The following TMPRSS11D variants were observed in gnomAD, a reference collection of about 807,000 sequenced individuals.
TMPRSS11D encodes the protein transmembrane serine protease 11D, also known as transmembrane protease serine 11D.
A neutral mutation model predicts 44.4 loss-of-function variants in TMPRSS11D; 32 were observed. The ratio of observed to expected loss-of-function variants is 0.72; its 90% CI spans 0.54 to 0.97. TMPRSS11D has a LOEUF of 0.97. Ranked by LOEUF, TMPRSS11D falls within the 50% of genes least tolerant of loss-of-function variation. The pLI is 0.00. For missense variants in TMPRSS11D, 446 were observed against 502.6 expected (o/e 0.89, Z 1.08); for synonymous variants, 179 against 177.9 (o/e 1.01, Z -0.05).
rs139989219 is a variant in TMPRSS11D, at chr4:67,821,866, T to C, written c.*471A>G. ...AGTAACCAAAAATTTTAAATACATA[T>C]TATTTCTCTTGCCTCATACTGTTCT... is the stretch of plus-strand genomic sequence containing the variant. On this transcript the variant is annotated 3_prime_UTR_variant, in exon 10 of 10. Coordinates refer to ENST00000283916, the MANE Select transcript of TMPRSS11D (RefSeq NM_004262.3). The C allele has an allele frequency of 4.8e-3, 732 of 153,282 alleles. 3 individuals are homozygous for C. The highest frequency in any genetic ancestry group is 8.6e-3 in the Non-Finnish European group (592 of 68,714). 9.5% of individuals were successfully genotyped at this position (153,282 alleles called of 1,614,324 possible). A position where few individuals can be genotyped will look rare whatever the true frequency, so the allele number is the denominator to read the frequency against.
intron 9 of TMPRSS11D, among the ~76,000 whole-genome samples, chr4:67,822,967 T>C (rs1275993622): frequency 6.6e-6 from 1 of 152,196 alleles, no homozygotes. Flanking sequence ...TTTTTGTTTG[T>C]TTGTTTTGTT....
intron 7 of TMPRSS11D, among the ~76,000 whole-genome samples, chr4:67,828,375 A>G (rs1350966914): frequency 6.6e-6 from 1 of 152,156 alleles, no homozygotes; most frequent in African/African-American, 2.4e-5. Context: ...TCATCAGTTT[A>G]CTAATGGATA....
In TMPRSS11D at chr4:67,821,555, T is replaced by G. The variant is rs771992679; in HGVS notation, c.*782A>C. On this transcript the variant is annotated 3_prime_UTR_variant, in exon 10 of 10. Transcript: ENST00000283916. ...AAGTACTATGTAGTTGTAAAGCACCTGACAAGTTTGTGTAGGTATATTTCT... is the reference window on the plus strand; with the variant it reads ...AAGTACTATGTAGTTGTAAAGCACCGGACAAGTTTGTGTAGGTATATTTCT... The G allele has an allele frequency of 6.6e-6, 1 of 152,186 alleles. No individual in the cohort carries two copies. The highest frequency in any genetic ancestry group is 1.5e-5 in the Non-Finnish European group (1 of 68,030). 9.4% of individuals were successfully genotyped at this position (152,186 alleles called of 1,614,324 possible).
intron 7 of TMPRSS11D, among the ~76,000 whole-genome samples, chr4:67,831,613 A>G (rs1481075688): frequency 6.6e-6 from 1 of 152,142 alleles, no homozygotes; most frequent in Non-Finnish European, 1.5e-5. Flanking sequence ...TGATAAGTCC[A>G]GGTATTTTAA....
intron 3 of TMPRSS11D, among the ~76,000 whole-genome samples, chr4:67,848,982 T>A (rs1718429693): frequency 6.6e-6 from 1 of 152,156 alleles, no homozygotes; most frequent in South Asian, 2.1e-4. Context: ...ATAATGCAAA[T>A]GAACAGATTA....
At chr4:67,849,619 T>C (rs1378450176) in intron 3 of TMPRSS11D, among the ~76,000 whole-genome samples, 1 of 152,192 alleles carries the variant, frequency 6.6e-6, no homozygotes, top group African/African-American at 2.4e-5. Flanking sequence ...AGATTTTTTG[T>C]GTAAGAATGT....
rs1034099528 is a variant in TMPRSS11D at position 67,858,034 on chromosome 4, T to C, written c.130+1523A>G. Among the ~76,000 whole-genome samples the C allele has an allele frequency of 3.9e-5, 6 of 152,182 alleles. No individual in the cohort carries two copies. The East Asian group carries it at 9.7e-4, about 24-fold the overall frequency. Reference sequence around the variant, plus strand: ...ACAAAAACAACAACGACAACAGGGGTCTTCCAGAGGACCTATTCAGCTGTG... The same window carrying C: ...ACAAAAACAACAACGACAACAGGGGCCTTCCAGAGGACCTATTCAGCTGTG... On this transcript the variant is annotated intron_variant, in intron 2 of 9. Transcript: ENST00000283916.
chr4:67,825,446 G>A (rs1237463990), intron 9 of TMPRSS11D, among the ~76,000 whole-genome samples: 1 of 49,086 alleles, frequency 2.0e-5, no homozygotes, highest in African/African-American at 4.7e-5. Flanking sequence ...CCAGCTTTTA[G>A]TTAGAGACTT....
intron 4 of TMPRSS11D, among the ~76,000 whole-genome samples, chr4:67,840,973 A>T (rs1173534081): frequency 6.6e-6 from 1 of 152,180 alleles, no homozygotes; most frequent in African/African-American, 2.4e-5. Flanking sequence ...TCTAAAAGAG[A>T]TGAAGAAATT....
intron 2 of TMPRSS11D, among the ~76,000 whole-genome samples, chr4:67,857,322 T>TAC (rs140893348): frequency 1.7e-3 from 6 of 3,434 alleles, no homozygotes; most frequent in Admixed American, 0.014. Context: ...TATATATATA[T>TAC]ACACACACAC....
chr4:67,883,198 T>A (rs1719363245), intron 1 of TMPRSS11D, among the ~76,000 whole-genome samples: 1 of 152,018 alleles, frequency 6.6e-6, no homozygotes, highest in South Asian at 2.1e-4. Flanking sequence ...CAGTATCATG[T>A]TTTCCTGTAG....
intron 4 of TMPRSS11D, chr4:67,838,969 G>C (rs1320994783): frequency 6.6e-6 from 1 of 151,960 alleles, no homozygotes; most frequent in Non-Finnish European, 1.5e-5. Context: ...TAAATATTTG[G>C]ATTATCTAAA....
At chr4:67,866,903 C>T (rs1013966333) in intron 1 of TMPRSS11D, among the ~76,000 whole-genome samples, 2 of 151,950 alleles carry the variant, frequency 1.3e-5, no homozygotes, top group Non-Finnish European at 2.9e-5. Context: ...AATGACCATA[C>T]TTCTCAAAGC....
intron 1 of TMPRSS11D, among the ~76,000 whole-genome samples, chr4:67,873,885 A>G (rs967408862): frequency 6.6e-6 from 1 of 152,150 alleles, no homozygotes; most frequent in African/African-American, 2.4e-5. Flanking sequence ...TCTTTGCTAT[A>G]GGATTATTAT....
At chr4:67,871,354 T>A (rs2109699921) in intron 1 of TMPRSS11D, among the ~76,000 whole-genome samples, 1 of 152,310 alleles carries the variant, frequency 6.6e-6, no homozygotes, top group East Asian at 1.9e-4. Flanking sequence ...GCTGTATATC[T>A]TATTTTAAAC....
chr4:67,848,061 G>T (rs981194888), intron 3 of TMPRSS11D, among the ~76,000 whole-genome samples: 1 of 152,188 alleles, frequency 6.6e-6, no homozygotes, highest in African/African-American at 2.4e-5. Flanking sequence ...ATCCCTGATG[G>T]TATAAGTTAT....
chr4:67,843,514 G>A (rs1277606437), intron 3 of TMPRSS11D, among the ~76,000 whole-genome samples: 1 of 152,096 alleles, frequency 6.6e-6, no homozygotes, highest in Non-Finnish European at 1.5e-5. Flanking sequence ...CCATGGGTAT[G>A]TACACCTATT....
chr4:67,875,827 T>C (rs1311087532), intron 1 of TMPRSS11D, among the ~76,000 whole-genome samples: 1 of 152,228 alleles, frequency 6.6e-6, no homozygotes, highest in Non-Finnish European at 1.5e-5. Context: ...CAGTGGTTGG[T>C]AAATCAAATA....
chr4:67,822,745 T>G (rs928846287), intron 9 of TMPRSS11D, among the ~76,000 whole-genome samples: 4 of 152,182 alleles, frequency 2.6e-5, no homozygotes, highest in African/African-American at 9.7e-5. Context: ...AGTCACCGAG[T>G]GGTTGCCTCC....
Sources: gnomAD v4.1 joint callset for allele counts (sites outside exome capture counted in the v4.1 genomes callset) on GRCh38, gnomAD v4.1.1 for gene constraint, MANE v1.5 for transcripts, NCBI Gene and HGNC (gene_info 2026-07-23, HGNC 2026-07-21) for gene names.